CFAP251: variants seen among roughly 807,000 people sequenced by gnomAD.
CFAP251 encodes cilia- and flagella-associated protein 251.
In CFAP251, 93 loss-of-function variants were observed where a neutral mutation model predicts 126.7. That is an observed-to-expected ratio of 0.73 (90% CI 0.62 to 0.87). CFAP251 has a LOEUF of 0.87. CFAP251 is among the 40% of genes least tolerant of loss of function. The probability of loss-of-function intolerance (pLI) is 0.00; values close to 1 mark genes in which losing one functional copy is unlikely to be tolerated. For synonymous variants in CFAP251, 503 were observed against 506.9 expected, an observed-to-expected ratio of 0.99 and a Z score of 0.10; for missense variants, 1,287 against 1,389.2, an observed-to-expected ratio of 0.93 and a Z score of 1.17.
chr12:121,945,256 G>A (rs1000549284), intron 7 of CFAP251, among the ~76,000 whole-genome samples: 4 of 152,200 alleles, frequency 2.6e-5, no homozygotes, highest in Admixed American at 6.5e-5. Context: ...GTCTCTCTGT[G>A]TTCACTCTCG....
At chr12:121,924,141 G>A in intron 3 of CFAP251, 151 bp downstream of exon 3, 7 of 1,079,758 alleles carry the variant, frequency 6.5e-6, no homozygotes, top group Non-Finnish European at 8.9e-6. Context: ...AGACAGTCTT[G>A]CTTTGTCGCC....
intron 17 of CFAP251, chr12:121,969,889 C>T (rs573261044): frequency 1.5e-5 from 15 of 985,234 alleles, no homozygotes; most frequent in Non-Finnish European, 1.7e-5. Flanking sequence ...TTTCGCCTGG[C>T]CAGAGTCCAG....
At chr12:121,971,490 C>T (rs963578277) in intron 17 of CFAP251, 21 of 700,614 alleles carry the variant, frequency 3.0e-5, no homozygotes, top group Non-Finnish European at 4.7e-5. Context: ...ACCACTTGTG[C>T]TGAGTTTTCT....
At chr12:121,988,165 G>T (rs553897591) in intron 19 of CFAP251, among the ~76,000 whole-genome samples, 3 of 151,068 alleles carry the variant, frequency 2.0e-5, no homozygotes, top group South Asian at 2.1e-4. Context: ...TCTTAGAATC[G>T]AAATGTTGTT....
chr12:121,961,683 T>G (rs2135785700), intron 14 of CFAP251, among the ~76,000 whole-genome samples: 1 of 152,382 alleles, frequency 6.6e-6, no homozygotes, highest in Middle Eastern at 3.4e-3. Context: ...ATCTGTTTTC[T>G]CATCTGTAAA....
intron 3 of CFAP251, among the ~76,000 whole-genome samples, chr12:121,928,722 G>A (rs1032698011): frequency 1.4e-5 from 2 of 139,978 alleles, no homozygotes; most frequent in African/African-American, 5.4e-5. Context: ...TTTGAGACAG[G>A]GTCTTGCTCT....
intron 10 of CFAP251, among the ~76,000 whole-genome samples, chr12:121,956,325 C>A (rs749284006): frequency 6.6e-6 from 1 of 152,150 alleles, no homozygotes; most frequent in African/African-American, 2.4e-5. Context: ...ACCTCCATTG[C>A]GTATGGCTGA....
rs1882280569 is a variant in CFAP251 at position 121,970,022 on chromosome 12, A to G, written c.2771+1853A>G. On this transcript the variant is annotated intron_variant, in intron 17 of 21. Transcript: ENST00000288912. ...CACTTCACTAATGGAGAGAAATGTA[A>G]AAAACCTAAACAAGTAAACAAACAG... 3.2e-6 allele frequency: 3 copies of G among 930,846 alleles called. No individual in the cohort carries two copies. In the African/African-American group the frequency reaches 5.3e-5, roughly 17 times the overall value. 57.7% of individuals were successfully genotyped at this position (930,846 alleles called of 1,614,324 possible). A position where few individuals can be genotyped will look rare whatever the true frequency, so the allele number is the denominator to read the frequency against.
intron 1 of CFAP251, among the ~76,000 whole-genome samples, chr12:121,919,459 AAT>A (rs1880067554): frequency 6.6e-6 from 1 of 152,212 alleles, no homozygotes; most frequent in Admixed American, 6.5e-5. Context: ...TCTCTCAAAT[AAT>A]AACAACTGCT....
intron 15 of CFAP251, 117 bp downstream of exon 15, chr12:121,962,279 T>G: frequency 1.1e-6 from 1 of 924,782 alleles, no homozygotes; most frequent in South Asian, 1.6e-5. Flanking sequence ...TCATCCTCTT[T>G]GCTTTGCAGA....
At position 121,968,134 on chromosome 12, in the gene CFAP251, C is replaced by G. The variant is rs765683747; in HGVS notation, c.2736C>G (p.His912Gln). The change falls in exon 17 of 22, where the codon CAC (histidine) becomes CAG (glutamine). Residue 912 changes from histidine to glutamine, a missense_variant. By Grantham distance (24) the His-to-Gln change is conservative. Transcript: ENST00000288912. ...GCTACGCCTTCACTGCGGGAGGGCACGATCGCTCGGTGGTGCAGTGGAAAA... is the reference window on the plus strand; with the variant it reads ...GCTACGCCTTCACTGCGGGAGGGCAGGATCGCTCGGTGGTGCAGTGGAAAA... ...DGCYAFTAGGHDRSVVQWKIT... is the reference protein window; with the variant it reads ...DGCYAFTAGGQDRSVVQWKIT... The G allele has an allele frequency of 6.2e-6, 10 of 1,611,188 alleles. No individual in the cohort carries two copies. In the South Asian group the frequency reaches 6.6e-5, roughly 11 times the overall value.
At chr12:121,935,246 C>T (rs945662323) in intron 5 of CFAP251, among the ~76,000 whole-genome samples, 5 of 152,304 alleles carry the variant, frequency 3.3e-5, no homozygotes, top group East Asian at 1.9e-4. Context: ...CATGAGCCAC[C>T]GCATCCGATC....
Position 121,921,600 on chromosome 12 carries a change from G to A in CFAP251, c.295G>A (p.Glu99Lys), listed in dbSNP as rs200503042. 379 of 1,614,156 alleles carry A rather than the reference G, an allele frequency of 2.3e-4. No individual in the cohort carries two copies. Among genetic ancestry groups the A allele is most frequent in the Non-Finnish European group, 3.0e-4 (355 of 1,180,034 alleles). The change falls in exon 2 of 22, where the codon GAG (glutamate) becomes AAG (lysine). Residue 99 changes from glutamate (E) to lysine (K), a missense_variant. Coordinates refer to ENST00000288912, the MANE Select transcript of CFAP251 (RefSeq NM_144668.6). ...AGGAATACAGGAAGAAACCACAGTA[G>A]AGCCCCAAGAAGTCACAGCGTCCAT... is the stretch of plus-strand genomic sequence containing the variant. ...ASGIQEETTV[E>K]PQEVTASMIR...
intron 19 of CFAP251, among the ~76,000 whole-genome samples, chr12:121,980,617 G>A (rs1248736537): frequency 2.0e-5 from 3 of 151,954 alleles, no homozygotes; most frequent in Non-Finnish European, 4.4e-5. Flanking sequence ...CACAGTGCTG[G>A]GATTCTAGGC....
At chr12:121,976,201 G>C (rs866605451) in intron 19 of CFAP251, among the ~76,000 whole-genome samples, 1 of 151,926 alleles carries the variant, frequency 6.6e-6, no homozygotes, top group Non-Finnish European at 1.5e-5. Context: ...TAGAGACGAG[G>C]CTTCACGATG....
intron 13 of CFAP251, among the ~76,000 whole-genome samples, chr12:121,960,275 G>A (rs1439680319): frequency 2.0e-5 from 3 of 151,744 alleles, no homozygotes; most frequent in African/African-American, 4.8e-5. Flanking sequence ...ACAGGCTGAA[G>A]TGCAACAGAT....
At chr12:121,993,140 A>G (rs1481358435) in intron 19 of CFAP251, among the ~76,000 whole-genome samples, 6 of 144,668 alleles carry the variant, frequency 4.1e-5, no homozygotes, top group African/African-American at 1.6e-4. Flanking sequence ...GCCACGCCTG[A>G]CTGGTTTTGG....
At chr12:121,972,964 G>T (rs1169080) in intron 17 of CFAP251, among the ~76,000 whole-genome samples, 133,740 of 152,256 alleles carry the variant, frequency 0.88, 58,905 homozygotes, top group African/African-American at 0.94. Context: ...ACTGTAGAAA[G>T]TTGCCTATGT....
chr12:121,976,645 C>G (rs979575792), intron 19 of CFAP251, among the ~76,000 whole-genome samples: 2 of 152,156 alleles, frequency 1.3e-5, no homozygotes, highest in Admixed American at 6.5e-5. Context: ...GCAGCTCACG[C>G]CTATAATCCA....
Sources: gnomAD v4.1 joint callset for allele counts (sites outside exome capture counted in the v4.1 genomes callset) on GRCh38, gnomAD v4.1.1 for gene constraint, MANE v1.5 for transcripts, NCBI Gene and HGNC (gene_info 2026-07-23, HGNC 2026-07-21) for gene names.